Variants in CYTH3 observed in about 807,000 individuals in gnomAD.
The protein encoded by CYTH3 is cytohesin 3, also known as cytohesin-3.
CYTH3 carries 23 observed loss-of-function variants against 55.1 expected under a neutral mutation model. That is an observed-to-expected ratio of 0.42 (90% CI 0.30 to 0.59). The LOEUF (loss-of-function observed/expected upper bound fraction) is 0.59. CYTH3 is among the 20% of genes least tolerant of loss of function. The pLI is 0.20. For synonymous variants in CYTH3, 249 were observed against 194.9 expected, an observed-to-expected ratio of 1.28 and a Z score of -2.31; for missense variants, 413 against 524.8, an observed-to-expected ratio of 0.79 and a Z score of 2.08.
intron 1 of CYTH3, among the ~76,000 whole-genome samples, chr7:6,234,202 T>C (rs537394597): frequency 3.3e-5 from 5 of 152,294 alleles, no homozygotes; most frequent in Admixed American, 2.6e-4. Flanking sequence ...AGGGGGACCT[T>C]CCCATGTGTT....
At chr7:6,220,411 A>C (rs537080039) in intron 1 of CYTH3, among the ~76,000 whole-genome samples, 4 of 152,102 alleles carry the variant, frequency 2.6e-5, no homozygotes, top group African/African-American at 9.7e-5. Flanking sequence ...AATCTTTGAG[A>C]GCGAAGGCTT....
chr7:6,198,094 G>GAAA (rs76022025), intron 1 of CYTH3, among the ~76,000 whole-genome samples: 1 of 48,670 alleles, frequency 2.1e-5, no homozygotes, highest in Non-Finnish European at 4.4e-5. Context: ...ACACTCTTAA[G>GAAA]AAAAAAAAAA....
rs760279977 is a variant in CYTH3, at chr7:6,174,539, GTTTTTTTT to G, written c.369-814_369-807del. 5.2e-4 allele frequency among the ~76,000 whole-genome samples: 47 copies of G among 89,806 alleles called. No individual in the cohort carries two copies. The South Asian group carries it at 0.014, about 26-fold the overall frequency. 58.9% of individuals were successfully genotyped at this position (89,806 alleles called of 152,430 possible). A position where few individuals can be genotyped will look rare whatever the true frequency, so the allele number is the denominator to read the frequency against. ...GGTGTGAAATGGTATCTCCTTGTGG[GTTTTTTTT>G]TTTTTTTTTTTTTTTTTCCAGACAG... On this transcript the variant is annotated intron_variant, in intron 5 of 12. Coordinates refer to ENST00000350796, the MANE Select transcript of CYTH3 (RefSeq NM_004227.4).
chr7:6,217,149 G>A (rs1272752768), intron 1 of CYTH3, among the ~76,000 whole-genome samples: 1 of 152,150 alleles, frequency 6.6e-6, no homozygotes, highest in Admixed American at 6.6e-5. Context: ...CTAACCTCAG[G>A]TGATCCCACC....
chr7:6,199,957 C>A (rs983280509), intron 1 of CYTH3, among the ~76,000 whole-genome samples: 1 of 152,142 alleles, frequency 6.6e-6, no homozygotes, highest in African/African-American at 2.4e-5. Context: ...AAATCCTAAA[C>A]CAACCACTAA....
intron 1 of CYTH3, among the ~76,000 whole-genome samples, chr7:6,206,355 C>G (rs1784188031): frequency 6.6e-6 from 1 of 152,194 alleles, no homozygotes; most frequent in South Asian, 2.1e-4. Context: ...CACAGAAGAC[C>G]ACATATTGTG....
chr7:6,196,424 C>T (rs1025827202), intron 1 of CYTH3, among the ~76,000 whole-genome samples: 6 of 151,356 alleles, frequency 4.0e-5, no homozygotes, highest in African/African-American at 1.2e-4. Context: ...ATTACTCTTA[C>T]GCATCTGAGG....
At chr7:6,259,772 T>TAATAGA (rs1491219669) in intron 1 of CYTH3, among the ~76,000 whole-genome samples, 2 of 30,492 alleles carry the variant, frequency 6.6e-5, no homozygotes, top group African/African-American at 6.3e-4. Context: ...TATATATATA[T>TAATAGA]TATATATATA....
chr7:6,175,545 CTTTTTTTTTTT>C (rs1177188782), intron 5 of CYTH3, among the ~76,000 whole-genome samples: 1 of 89,004 alleles, frequency 1.1e-5, no homozygotes, highest in African/African-American at 4.6e-5. Context: ...ACACTTTAGT[CTTTTTTTTTTT>C]TTTTTTTTTT....
intron 1 of CYTH3, among the ~76,000 whole-genome samples, chr7:6,218,348 G>C (rs879042272): frequency 6.6e-6 from 1 of 152,178 alleles, no homozygotes. Context: ...AAGATGGAGA[G>C]AGGGGTCATG....
intron 4 of CYTH3, among the ~76,000 whole-genome samples, chr7:6,178,179 G>C (rs1362483715): frequency 6.6e-6 from 1 of 152,212 alleles, no homozygotes; most frequent in Non-Finnish European, 1.5e-5. Context: ...AGACAAATGG[G>C]TTATTGAACA....
At chr7:6,227,183 C>G (rs1335406648) in intron 1 of CYTH3, among the ~76,000 whole-genome samples, 3 of 151,344 alleles carry the variant, frequency 2.0e-5, no homozygotes, top group Non-Finnish European at 4.4e-5. Context: ...AAAAAATCAC[C>G]AACAGCCCAG....
intron 1 of CYTH3, among the ~76,000 whole-genome samples, chr7:6,259,750 ATATATATTATATAT>A (rs1780237008): frequency 1.7e-4 from 2 of 11,866 alleles, no homozygotes; most frequent in Non-Finnish European, 3.4e-4. Flanking sequence ...TATAATATAT[ATATATATTATATAT>A]ATATATATTA....
chr7:6,197,956 A>G (rs1477005464), intron 1 of CYTH3, among the ~76,000 whole-genome samples: 5 of 152,030 alleles, frequency 3.3e-5, no homozygotes, highest in African/African-American at 1.2e-4. Flanking sequence ...TTAGCCAGAC[A>G]TGTCACGCAT....
At chr7:6,198,354 G>A (rs767193710) in intron 1 of CYTH3, among the ~76,000 whole-genome samples, 5 of 138,900 alleles carry the variant, frequency 3.6e-5, no homozygotes, top group Non-Finnish European at 6.4e-5. Context: ...CCAACACCTA[G>A]CTGTTAGACC....
At chr7:6,270,600 G>A (rs1004233638) in intron 1 of CYTH3, among the ~76,000 whole-genome samples, 2 of 152,132 alleles carry the variant, frequency 1.3e-5, no homozygotes, top group African/African-American at 2.4e-5. Context: ...TTATTTTAAT[G>A]GTTGTAAAAT....
intron 1 of CYTH3, among the ~76,000 whole-genome samples, chr7:6,235,827 T>C (rs1779507897): frequency 6.6e-6 from 1 of 151,982 alleles, no homozygotes; most frequent in Non-Finnish European, 1.5e-5. Flanking sequence ...CACAACTCTA[T>C]ACTACCAAAA....
At chr7:6,200,903 G>A (rs1158134220) in intron 1 of CYTH3, among the ~76,000 whole-genome samples, 4 of 152,172 alleles carry the variant, frequency 2.6e-5, no homozygotes, top group Admixed American at 2.0e-4. Context: ...CCACAGGCAC[G>A]TACCACCATG....
rs372831196 is a variant in CYTH3 at position 6,193,816 on chromosome 7, G to C, written c.35-3285C>G. ...GCACTTCTAACACGTTTGAGGGCAA[G>C]GGCACCCTACTAAAAACAGGGGTGA... On this transcript the variant is annotated intron_variant, in intron 1 of 12. Coordinates refer to ENST00000350796, the MANE Select transcript of CYTH3 (RefSeq NM_004227.4). Among the ~76,000 whole-genome samples the C allele has an allele frequency of 4.3e-4, 66 of 152,256 alleles. No individual in the cohort carries two copies. The South Asian group carries it at 8.1e-3, about 19-fold the overall frequency.
Sources: allele counts gnomAD v4.1 joint callset (sites outside exome capture counted in the v4.1 genomes callset), GRCh38; gene constraint gnomAD v4.1.1; transcripts MANE v1.5; gene names NCBI Gene and HGNC (gene_info 2026-07-23, HGNC 2026-07-21).